Variants in ADAMTS9 observed in about 807,000 individuals in gnomAD.
ADAMTS9 encodes A disintegrin and metalloproteinase with thrombospondin motifs 9.
A neutral mutation model predicts 257.1 loss-of-function variants in ADAMTS9; 107 were observed. The ratio of observed to expected loss-of-function variants is 0.42; its 90% CI spans 0.36 to 0.49. The LOEUF (loss-of-function observed/expected upper bound fraction) is 0.49. ADAMTS9 is among the 20% of genes least tolerant of loss of function. The pLI, the probability that ADAMTS9 is intolerant of heterozygous loss-of-function variation, is 0.03. For missense variants in ADAMTS9, 2,353 were observed against 2,469.1 expected (o/e 0.95, Z 1.00); for synonymous variants, 982 against 880.9 (o/e 1.11, Z -2.03).
In ADAMTS9 at chr3:64,539,184, G is replaced by T. The variant is rs769633848; in HGVS notation, c.5613+19C>A. 19 of 1,599,726 alleles carry T rather than the reference G, an allele frequency of 1.2e-5. No individual in the cohort carries two copies. Among genetic ancestry groups the T allele is most frequent in the Middle Eastern group, 1.7e-4 (1 of 6,048 alleles). ...TGGGAGGTGAATCCCTGGCAAGGGG[G>T]AAGGCACCAAGGACATACCTGTGGG... On this transcript the variant is annotated intron_variant, in intron 37 of 39. Coordinates refer to ENST00000498707, the MANE Select transcript of ADAMTS9 (RefSeq NM_182920.2).
intron 3 of ADAMTS9, among the ~76,000 whole-genome samples, chr3:64,673,750 A>G (rs1224456365): frequency 3.3e-5 from 5 of 152,050 alleles, no homozygotes; most frequent in Non-Finnish European, 2.9e-5. Context: ...TACTTAGGAA[A>G]AGATCCCCAC....
At chr3:64,571,805 C>T (rs1056729317) in intron 28 of ADAMTS9, among the ~76,000 whole-genome samples, 1 of 152,120 alleles carries the variant, frequency 6.6e-6, no homozygotes, top group Non-Finnish European at 1.5e-5. Flanking sequence ...ATTAATGGGC[C>T]TACTATGACC....
intron 16 of ADAMTS9, among the ~76,000 whole-genome samples, chr3:64,624,939 T>A (rs1700191764): frequency 6.6e-6 from 1 of 152,194 alleles, no homozygotes; most frequent in African/African-American, 2.4e-5. Flanking sequence ...AGTGTTGGGC[T>A]TGACATGAAG....
chr3:64,572,596 G>T lies in ADAMTS9; in HGVS notation c.4357-4061C>A, dbSNP rs186720904. On this transcript the variant is annotated intron_variant, in intron 28 of 39. Transcript: ENST00000498707. ...AAGGGCTGGAGAACTAAAGAGAATGGGATCCCTGGGGTTGCTGAGGCTGCC... is the reference window on the plus strand; with the variant it reads ...AAGGGCTGGAGAACTAAAGAGAATGTGATCCCTGGGGTTGCTGAGGCTGCC... Among the ~76,000 whole-genome samples the T allele has an allele frequency of 2.0e-4, 30 of 152,246 alleles. No homozygotes were observed. The East Asian group carries it at 3.7e-3, about 19-fold the overall frequency.
chr3:64,622,206 G>T lies in ADAMTS9; in HGVS notation c.2678C>A (p.Pro893His), dbSNP rs1320655891. The T allele has an allele frequency of 1.2e-6, 2 of 1,612,786 alleles. No homozygotes were observed. Among genetic ancestry groups the T allele is most frequent in the Admixed American group, 1.7e-5 (1 of 59,928 alleles). Residue 893 changes from proline (P) to histidine (H), a missense_variant, in exon 18 of 40, where the codon CCC becomes CAC. Coordinates refer to ENST00000498707, the MANE Select transcript of ADAMTS9 (RefSeq NM_182920.2). ...AAATTCAAAGCAGATACCTTGGCAGGGTTTACTGCATGCTTGCCATGGCCC... is the reference window on the plus strand; with the variant it reads ...AAATTCAAAGCAGATACCTTGGCAGTGTTTACTGCATGCTTGCCATGGCCC... ...SHGPWQACSKPCQGERKRKLV... is the reference protein window; with the variant it reads ...SHGPWQACSKHCQGERKRKLV...
intron 28 of ADAMTS9, among the ~76,000 whole-genome samples, chr3:64,593,090 A>G (rs1027947054): frequency 1.3e-5 from 2 of 152,182 alleles, no homozygotes; most frequent in Non-Finnish European, 2.9e-5. Context: ...TCTCTGACCC[A>G]GAGTGGCGTT....
intron 3 of ADAMTS9, among the ~76,000 whole-genome samples, chr3:64,672,259 G>A (rs1485933080): frequency 6.6e-6 from 1 of 152,186 alleles, no homozygotes; most frequent in African/African-American, 2.4e-5. Context: ...GCAGGGAATG[G>A]GTTTCTGAAG....
intron 3 of ADAMTS9, among the ~76,000 whole-genome samples, chr3:64,659,820 C>G (rs910341141): frequency 6.6e-6 from 1 of 152,108 alleles, no homozygotes; most frequent in South Asian, 2.1e-4. Context: ...CTTGGGTTCT[C>G]CACAGTCTTG....
chr3:64,606,835 T>C, intron 23 of ADAMTS9, 125 bp downstream of exon 23: 3 of 1,208,884 alleles, frequency 2.5e-6, no homozygotes, highest in Non-Finnish European at 3.5e-6. Context: ...TCTGGACAAA[T>C]TAATCTACTG....
At chr3:64,649,563 T>A in intron 10 of ADAMTS9, 74 bp downstream of exon 10, 1 of 1,491,624 alleles carries the variant, frequency 6.7e-7, no homozygotes, top group Non-Finnish European at 9.0e-7. Flanking sequence ...CGAGTTAGAA[T>A]GCAATGGAAA....
Position 64,651,117 on chromosome 3 carries a change from C to T in ADAMTS9, c.1363G>A (p.Val455Ile), listed in dbSNP as rs761663404. 3.8e-6 allele frequency: 6 copies of T among 1,599,810 alleles called. No individual in the cohort carries two copies. The highest frequency in any genetic ancestry group is 2.3e-5 in the South Asian group (2 of 87,698). Residue 455 changes from valine to isoleucine, a missense_variant, in exon 9 of 40, where the codon GTT (valine) becomes ATT (isoleucine). By Grantham distance (29) the Val-to-Ile change is conservative (BLOSUM62 3). Around this residue, in one of 3 missense-constraint regions of ADAMTS9, gnomAD observed 591 missense variants for 569.6 expected, o/e 1.04. Coordinates refer to ENST00000498707, the MANE Select transcript of ADAMTS9 (RefSeq NM_182920.2). ...DDNNKCKEEGVKSPQHVMAPT... is the reference protein window; with the variant it reads ...DDNNKCKEEGIKSPQHVMAPT... ...GCCATGACATGCTGGGGACTCTTAA[C>T]TCCTTCTTCTTTACATTTGTTGTTG... is the stretch of plus-strand genomic sequence containing the variant.
intron 3 of ADAMTS9, among the ~76,000 whole-genome samples, chr3:64,668,722 C>T (rs1025255309): frequency 3.3e-5 from 5 of 152,158 alleles, no homozygotes; most frequent in East Asian, 3.9e-4. Context: ...GCTGCTGGAA[C>T]GAAGTGGCTC....
At chr3:64,602,564 C>T (rs181717267) in intron 25 of ADAMTS9, among the ~76,000 whole-genome samples, 213 of 152,282 alleles carry the variant, frequency 1.4e-3, no homozygotes, top group African/African-American at 5.0e-3. Flanking sequence ...ATCTACCATT[C>T]GCCACTCACT....
intron 28 of ADAMTS9, chr3:64,587,501 T>C (rs1439030469): frequency 1.3e-5 from 2 of 152,198 alleles, no homozygotes; most frequent in African/African-American, 4.8e-5. Flanking sequence ...CTTAACCATG[T>C]TTCAAGTGCT....
At chr3:64,645,520 G>A (rs1229091669) in intron 11 of ADAMTS9, among the ~76,000 whole-genome samples, 1 of 152,156 alleles carries the variant, frequency 6.6e-6, no homozygotes, top group Non-Finnish European at 1.5e-5. Flanking sequence ...GAATGTGCTA[G>A]CATATAGAGA....
intron 16 of ADAMTS9, among the ~76,000 whole-genome samples, chr3:64,626,697 T>C (rs1036998395): frequency 3.3e-5 from 5 of 152,208 alleles, no homozygotes; most frequent in African/African-American, 1.2e-4. Flanking sequence ...TATAAGATGA[T>C]AAAATACAAA....
At chr3:64,677,865 A>C (rs1012541170) in intron 3 of ADAMTS9, among the ~76,000 whole-genome samples, 2 of 152,228 alleles carry the variant, frequency 1.3e-5, no homozygotes, top group African/African-American at 4.8e-5. Flanking sequence ...TAACTGAATA[A>C]ATGCACGCAT....
At position 64,639,984 on chromosome 3, in the gene ADAMTS9, A is replaced by G. The variant is rs76337547; in HGVS notation, c.1856+1864T>C. Among the ~76,000 whole-genome samples, 508 of 152,318 alleles carry G rather than the reference A, an allele frequency of 3.3e-3. 14 individuals carry two copies. In the East Asian group the frequency reaches 0.045, roughly 14 times the overall value. On this transcript the variant is annotated intron_variant, in intron 12 of 39. Transcript: ENST00000498707. ...TCATGGGGAGTAGGCAGGAAGTAGG[A>G]ATAGTGTGACAACTTCTAAAATATT... is the stretch of plus-strand genomic sequence containing the variant.
intron 3 of ADAMTS9, among the ~76,000 whole-genome samples, chr3:64,674,172 G>A (rs1701567121): frequency 6.6e-6 from 1 of 151,860 alleles, no homozygotes; most frequent in South Asian, 2.1e-4. Flanking sequence ...AAGAATTAAT[G>A]TATTTAAAAC....
Sources: allele counts gnomAD v4.1 joint callset (sites outside exome capture counted in the v4.1 genomes callset), GRCh38; gene constraint gnomAD v4.1.1; regional missense constraint gnomAD v4.1.1; transcripts MANE v1.5; gene names NCBI Gene and HGNC (gene_info 2026-07-23, HGNC 2026-07-21).